The following LEF1 variants were observed in gnomAD, a reference collection of about 807,000 sequenced individuals.
The protein encoded by LEF1 is lymphoid enhancer-binding factor 1.
A neutral mutation model predicts 51.2 loss-of-function variants in LEF1; 14 were observed. The observed-to-expected ratio is 0.27, with a 90% CI of 0.18 to 0.43. LEF1 has a LOEUF of 0.43. LEF1 is among the 20% of genes least tolerant of loss of function. The probability of loss-of-function intolerance (pLI) is 1.00; values close to 1 mark genes in which losing one functional copy is unlikely to be tolerated. For synonymous variants in LEF1, 185 were observed against 183.2 expected, an observed-to-expected ratio of 1.01 and a Z score of -0.08; for missense variants, 386 against 512.0, an observed-to-expected ratio of 0.75 and a Z score of 2.37.
At chr4:108,160,571 T>A (rs11933238) in intron 3 of LEF1, among the ~76,000 whole-genome samples, 7,568 of 152,218 alleles carry the variant, frequency 0.05, 615 homozygotes, top group African/African-American at 0.17. Context: ...AGATTTCTGG[T>A]ATAGACACAT....
Position 108,090,825 on chromosome 4 carries a change from A to G in LEF1, c.415-1568T>C, listed in dbSNP as rs201121177. The stretch of plus-strand genomic sequence containing the variant: ...AACCGTATTTTTATACCCATTAACA[A>G]CTTCTCTAGGGGAATCATTTTAAAG... On this transcript the variant is annotated intron_variant, in intron 3 of 11. Coordinates refer to ENST00000265165, the MANE Select transcript of LEF1 (RefSeq NM_016269.5). Among the ~76,000 whole-genome samples, 3 of 152,126 alleles carry G rather than the reference A, an allele frequency of 2.0e-5. No individual in the cohort carries two copies. The East Asian group carries it at 5.8e-4, about 29-fold the overall frequency.
intron 3 of LEF1, among the ~76,000 whole-genome samples, chr4:108,154,051 T>C (rs571574342): frequency 6.6e-6 from 1 of 152,302 alleles, no homozygotes; most frequent in Admixed American, 6.5e-5. Context: ...TTTGGTATTA[T>C]TTTTGCTTAT....
intron 8 of LEF1, 34 bp from the exon 9 acceptor site, chr4:108,070,804 G>C (rs1239674856): frequency 7.0e-7 from 1 of 1,426,016 alleles, no homozygotes; most frequent in Non-Finnish European, 9.8e-7. Flanking sequence ...AAAAACAAAA[G>C]TAAGCAAAAT....
chr4:108,078,115 GC>G lies in LEF1; in HGVS notation c.1008+104del. The G allele has an allele frequency of 3.0e-6, 3 of 1,015,608 alleles. No homozygotes were observed. In the South Asian group the frequency reaches 4.6e-5, roughly 15 times the overall value. 62.9% of individuals were successfully genotyped at this position (1,015,608 alleles called of 1,614,324 possible). On this transcript the variant is annotated intron_variant, in intron 8 of 11. Transcript: ENST00000265165. The stretch of plus-strand genomic sequence containing the variant: ...AATGCATCATATCATATCTTGAAGT[GC>G]AAACACATTCTATGACCACCTGATA...
chr4:108,122,233 GT>G (rs1274898845), intron 3 of LEF1, among the ~76,000 whole-genome samples: 1 of 152,126 alleles, frequency 6.6e-6, no homozygotes, highest in Admixed American at 6.5e-5. Context: ...ATTTGTCTTT[GT>G]GGTTCTGGTC....
At chr4:108,085,225 T>C (rs5024489) in intron 4 of LEF1, among the ~76,000 whole-genome samples, 128,696 of 152,138 alleles carry the variant, frequency 0.85, 55,587 homozygotes, top group East Asian at 0.97. Flanking sequence ...AGTAGCCAGG[T>C]ATATAGGCGC....
rs566850970 is a variant in LEF1, at chr4:108,061,259, CG to C, written c.*6+2363del. Among the ~76,000 whole-genome samples, 20 of 152,010 alleles carry C rather than the reference CG, an allele frequency of 1.3e-4. No homozygotes were observed. In the South Asian group the frequency reaches 4.2e-3, roughly 32 times the overall value. Reference sequence around the variant, plus strand: ...GAGAGGGTTATTTTTGTTTTTCTTGCGCAGGATAGAGAGAACATCTTAACCT... The same window carrying C: ...GAGAGGGTTATTTTTGTTTTTCTTGCCAGGATAGAGAGAACATCTTAACCT... On this transcript the variant is annotated intron_variant, in intron 11 of 11. Coordinates refer to ENST00000265165, the MANE Select transcript of LEF1 (RefSeq NM_016269.5).
intron 1 of LEF1, chr4:108,166,851 G>A (rs904664650): frequency 4.1e-6 from 4 of 981,318 alleles, no homozygotes; most frequent in Non-Finnish European, 3.6e-6. Context: ...AGTTGGGGGC[G>A]GTACAGCCAG....
chr4:108,128,508 CTTT>C, intron 3 of LEF1, among the ~76,000 whole-genome samples: 1 of 143,478 alleles, frequency 7.0e-6, no homozygotes, highest in South Asian at 2.2e-4. Context: ...TGAGGAAGGG[CTTT>C]TTTTTTTTTC....
chr4:108,127,923 C>T (rs562099041), intron 3 of LEF1, among the ~76,000 whole-genome samples: 1 of 152,272 alleles, frequency 6.6e-6, no homozygotes, highest in South Asian at 2.1e-4. Flanking sequence ...CCTGAATCCT[C>T]TCTGTAGGGT....
At chr4:108,102,900 T>A (rs892571015) in intron 3 of LEF1, among the ~76,000 whole-genome samples, 3 of 152,224 alleles carry the variant, frequency 2.0e-5, no homozygotes, top group African/African-American at 7.2e-5. Flanking sequence ...AGTGCTTCCA[T>A]GACCCTTATC....
At chr4:108,059,447 G>A (rs1356227738) in intron 11 of LEF1, among the ~76,000 whole-genome samples, 1 of 152,066 alleles carries the variant, frequency 6.6e-6, no homozygotes, top group South Asian at 2.1e-4. Flanking sequence ...TTCCTGAGTA[G>A]CTGGGACTAC....
chr4:108,135,300 C>G (rs1743187755), intron 3 of LEF1, among the ~76,000 whole-genome samples: 1 of 152,176 alleles, frequency 6.6e-6, no homozygotes, highest in Non-Finnish European at 1.5e-5. Flanking sequence ...AAAACCCAAA[C>G]TTTTATTGGG....
intron 3 of LEF1, among the ~76,000 whole-genome samples, chr4:108,095,662 T>C (rs1553952467): frequency 6.6e-6 from 1 of 152,196 alleles, no homozygotes; most frequent in Non-Finnish European, 1.5e-5. Flanking sequence ...GGGCTCCCTT[T>C]TAAAACGCAT....
intron 8 of LEF1, among the ~76,000 whole-genome samples, chr4:108,075,195 A>G (rs1395949198): frequency 1.3e-5 from 2 of 152,282 alleles, no homozygotes; most frequent in East Asian, 3.9e-4. Flanking sequence ...GCTATAATCT[A>G]TCACCACATC....
intron 3 of LEF1, among the ~76,000 whole-genome samples, chr4:108,097,861 G>A (rs928917303): frequency 6.6e-6 from 1 of 152,128 alleles, no homozygotes; most frequent in African/African-American, 2.4e-5. Flanking sequence ...TAGTATTTGT[G>A]CAGGTCAGTG....
chr4:108,144,865 C>CA (rs11394687), intron 3 of LEF1, among the ~76,000 whole-genome samples: 24,155 of 42,652 alleles, frequency 0.57, 5,482 homozygotes, highest in South Asian at 0.66. Context: ...CCCAACCAGC[C>CA]AAAAAAAAAA....
chr4:108,159,272 G>A (rs1205141624), intron 3 of LEF1, among the ~76,000 whole-genome samples: 1 of 152,232 alleles, frequency 6.6e-6, no homozygotes, highest in East Asian at 1.9e-4. Context: ...AACTTTGGGG[G>A]CTCTGAGGAA....
At chr4:108,166,573 G>A in intron 1 of LEF1, 1 of 1,170,518 alleles carries the variant, frequency 8.5e-7, no homozygotes, top group African/African-American at 1.6e-5. Flanking sequence ...TCTGGACTAG[G>A]CTTCAAACAG....
Sources: allele counts gnomAD v4.1 joint callset (sites outside exome capture counted in the v4.1 genomes callset), GRCh38; gene constraint gnomAD v4.1.1; transcripts MANE v1.5; gene names NCBI Gene and HGNC (gene_info 2026-07-23, HGNC 2026-07-21).